The following DNAAF1 variants were observed in gnomAD, a reference collection of about 807,000 sequenced individuals.
DNAAF1 encodes the protein dynein axonemal assembly factor 1.
Under a neutral mutation model 71.1 loss-of-function variants are expected in DNAAF1, and 65 were observed. That is an observed-to-expected ratio of 0.91 (90% CI 0.75 to 1.12). The LOEUF (loss-of-function observed/expected upper bound fraction) is 1.12, where lower values mean the gene tolerates loss of function less well. Ranked by LOEUF, DNAAF1 falls within the 50% of genes most tolerant of loss-of-function variation. DNAAF1 has a pLI of 0.00. For synonymous variants in DNAAF1, 414 were observed against 354.6 expected, an observed-to-expected ratio of 1.17 and a Z score of -1.88; for missense variants, 1,178 against 899.8, an observed-to-expected ratio of 1.31 and a Z score of -3.96.
chr16:84,148,949 G>T, intron 1 of DNAAF1, 58 bp from the exon 2 acceptor site: 1 of 1,595,572 alleles, frequency 6.3e-7, no homozygotes, highest in Admixed American at 1.7e-5. Context: ...GCTGAAGTTG[G>T]GGGTATTTTT....
chr16:84,148,211 C>T (rs1004410708), intron 1 of DNAAF1, among the ~76,000 whole-genome samples: 2 of 152,140 alleles, frequency 1.3e-5, no homozygotes, highest in Non-Finnish European at 2.9e-5. Flanking sequence ...TACATGTATG[C>T]CCTGAAACAG....
At chr16:84,163,375 C>G (rs994124198) in intron 6 of DNAAF1, among the ~76,000 whole-genome samples, 2 of 139,466 alleles carry the variant, frequency 1.4e-5, no homozygotes, top group Non-Finnish European at 3.2e-5. Flanking sequence ...CTCTCTCTCT[C>G]TCTTTTTCTT....
Position 84,149,036 on chromosome 16 carries a change from G to C in DNAAF1, c.154G>C (p.Gly52Arg), listed in dbSNP as rs143490141. 6.2e-7 allele frequency: 1 copy of C among 1,613,950 alleles called. No individual in the cohort carries two copies. Among genetic ancestry groups the C allele is most frequent in the African/African-American group, 1.3e-5 (1 of 74,984 alleles). ...EINDPKEICV[G>R]SSDTSYHSQQ... Reference sequence around the variant, plus strand: ...TAATGATCCTAAGGAAATATGTGTGGGTTCTTCTGACACATCCTACCACAG... The same window carrying C: ...TAATGATCCTAAGGAAATATGTGTGCGTTCTTCTGACACATCCTACCACAG... The change falls in exon 2 of 12, where the codon GGT becomes CGT. Residue 52 changes from glycine (G) to arginine (R), a missense_variant. Coordinates refer to ENST00000378553, the MANE Select transcript of DNAAF1 (RefSeq NM_178452.6).
intron 5 of DNAAF1, 60 bp from the exon 6 acceptor site, chr16:84,159,615 T>C: frequency 6.4e-7 from 1 of 1,554,990 alleles, no homozygotes. Flanking sequence ...GCACAGCACA[T>C]ATAAAATAAT....
chr16:84,150,136 G>A lies in DNAAF1; in HGVS notation c.261-115G>A, dbSNP rs528744188. 335 of 748,272 alleles carry A rather than the reference G, an allele frequency of 4.5e-4. 1 individual carries two copies. The African/African-American group carries it at 5.3e-3, about 12-fold the overall frequency. The allele number at this position is 748,272 out of a possible 1,614,324, so 46.4% of individuals were successfully genotyped here. A position where few individuals can be genotyped will look rare whatever the true frequency, so the allele number is the denominator to read the frequency against. On this transcript the variant is annotated intron_variant, in intron 2 of 11. Coordinates refer to ENST00000378553, the MANE Select transcript of DNAAF1 (RefSeq NM_178452.6). The stretch of plus-strand genomic sequence containing the variant: ...AAGACGAACTTAAAATAGGTATCAG[G>A]GATATAGGATGTTATAGAATTTTGG...
At chr16:84,162,287 A>G (rs2087749979) in intron 6 of DNAAF1, 1 of 152,050 alleles carries the variant, frequency 6.6e-6, no homozygotes. Context: ...TAATTCACAT[A>G]CCATACAGTT....
In DNAAF1 at chr16:84,170,261, C is replaced by G; in HGVS notation, c.1433C>G (p.Pro478Arg). 6.2e-7 allele frequency: 1 copy of G among 1,609,758 alleles called. No individual in the cohort carries two copies. Among genetic ancestry groups the G allele is most frequent in the South Asian group, 1.1e-5 (1 of 90,794 alleles). Reference sequence around the variant, plus strand: ...GCTGAGACCCTGCTACTGTCACCGCCTGTGAAGGTTAAAGGAGAGGATGGA... The same window carrying G: ...GCTGAGACCCTGCTACTGTCACCGCGTGTGAAGGTTAAAGGAGAGGATGGA... ...LPAETLLLSP[P>R]VKVKGEDGDR... Residue 478 changes from proline to arginine, a missense_variant, in exon 8 of 12, where the codon CCT becomes CGT. Physicochemically the swap from Pro to Arg is moderately radical, Grantham distance 103. Coordinates refer to ENST00000378553, the MANE Select transcript of DNAAF1 (RefSeq NM_178452.6).
rs2088254503 is a variant in DNAAF1 at position 84,170,203 on chromosome 16, G to A, written c.1375G>A (p.Asp459Asn). Residue 459 changes from aspartate (D) to asparagine (N), a missense_variant, in exon 8 of 12, where the codon GAT becomes AAT. Transcript: ENST00000378553. ...PPPPVEVKGEDGDQEPEGTLP... is the reference protein window; with the variant it reads ...PPPPVEVKGENGDQEPEGTLP... ...GCCACCTGTGGAGGTTAAAGGAGAGGATGGAGATCAAGAGCCAGAGGGGAC... is the reference window on the plus strand; with the variant it reads ...GCCACCTGTGGAGGTTAAAGGAGAGAATGGAGATCAAGAGCCAGAGGGGAC... 5.0e-6 allele frequency: 8 copies of A among 1,611,336 alleles called. No individual in the cohort carries two copies. The highest frequency in any genetic ancestry group is 1.3e-5 in the African/African-American group (1 of 74,480).
intron 6 of DNAAF1, among the ~76,000 whole-genome samples, chr16:84,160,706 G>A (rs886841110): frequency 1.3e-5 from 2 of 152,018 alleles, no homozygotes; most frequent in Non-Finnish European, 2.9e-5. Context: ...AGGCCAAGGC[G>A]GGCGGATCAC....
At chr16:84,154,846 C>T in intron 4 of DNAAF1, 48 bp downstream of exon 4, 1 of 1,431,400 alleles carries the variant, frequency 7.0e-7, no homozygotes, top group Non-Finnish European at 9.9e-7. Context: ...ATGTCCATCA[C>T]CTTCCCCTGA....
At chr16:84,155,240 T>C (rs1257666915) in intron 4 of DNAAF1, among the ~76,000 whole-genome samples, 1 of 152,040 alleles carries the variant, frequency 6.6e-6, no homozygotes, top group Non-Finnish European at 1.5e-5. Flanking sequence ...TTGCTTTGCT[T>C]CTTTTTGAGA....
intron 2 of DNAAF1, among the ~76,000 whole-genome samples, chr16:84,149,640 G>A (rs1271353326): frequency 7.0e-6 from 1 of 143,496 alleles, no homozygotes; most frequent in African/African-American, 2.6e-5. Flanking sequence ...GCAGTGAGCC[G>A]AGATCATACC....
At chr16:84,170,743 G>C (rs189128788) in intron 8 of DNAAF1, among the ~76,000 whole-genome samples, 2 of 152,078 alleles carry the variant, frequency 1.3e-5, no homozygotes, top group Non-Finnish European at 2.9e-5. Context: ...GAGGCAAGAG[G>C]ATTGCTTGAG....
chr16:84,160,502 A>G (rs2087648069), intron 6 of DNAAF1, among the ~76,000 whole-genome samples: 1 of 152,258 alleles, frequency 6.6e-6, no homozygotes, highest in South Asian at 2.1e-4. Context: ...TCAGTCATAT[A>G]GGCTACTTGA....
rs1385574276 is a variant in DNAAF1 at position 84,170,143 on chromosome 16, G to C, written c.1315G>C (p.Glu439Gln). The change falls in exon 8 of 12, where the codon GAG becomes CAG. Residue 439 changes from glutamate to glutamine, a missense_variant. Glu to Gln is a conservative substitution (Grantham distance 29). Coordinates refer to ENST00000378553, the MANE Select transcript of DNAAF1 (RefSeq NM_178452.6). ...AGGAGAGGACGGAGATGGAGAGCCA[G>C]AGGGGACCCTCCCAGCTGAGGCCCC... Reference protein sequence around the residue: ...VKGEDGDGEPEGTLPAEAPPP... With the variant: ...VKGEDGDGEPQGTLPAEAPPP... 5 of 1,586,186 alleles carry C rather than the reference G, an allele frequency of 3.2e-6. No individual in the cohort carries two copies. Among genetic ancestry groups the C allele is most frequent in the Middle Eastern group, 1.7e-4 (1 of 5,842 alleles).
chr16:84,157,960 C>A (rs1234262547), intron 5 of DNAAF1, among the ~76,000 whole-genome samples: 2 of 152,270 alleles, frequency 1.3e-5, no homozygotes, highest in East Asian at 1.9e-4. Context: ...GTAATCCCAG[C>A]GCTCTGGGAG....
Position 84,145,362 on chromosome 16 carries a change from T to G in DNAAF1, c.-79T>G, listed in dbSNP as rs2086849390. 6.5e-7 allele frequency: 1 copy of G among 1,543,758 alleles called. No homozygotes were observed. Among genetic ancestry groups the G allele is most frequent in the African/African-American group, 1.4e-5 (1 of 73,040 alleles). ...AGAAGGAAAGAGGGTACTCTCTGGC[T>G]GGGCTGGGGCCGTAGCGACGTCCGC... On this transcript the variant is annotated 5_prime_UTR_variant, in exon 1 of 12. Transcript: ENST00000378553.
intron 7 of DNAAF1, among the ~76,000 whole-genome samples, 160 bp from the exon 8 acceptor site, chr16:84,169,699 G>C (rs1330315350): frequency 6.6e-6 from 1 of 152,174 alleles, no homozygotes; most frequent in Non-Finnish European, 1.5e-5. Flanking sequence ...GGGATTACAG[G>C]CACGAGCCAC....
chr16:84,160,807 C>T (rs967911772), intron 6 of DNAAF1, among the ~76,000 whole-genome samples: 59 of 149,582 alleles, frequency 3.9e-4, no homozygotes, highest in Middle Eastern at 3.4e-3. Flanking sequence ...TGGTGGTGGG[C>T]GCCTGTAGTC....
Sources: allele counts gnomAD v4.1 joint callset (sites outside exome capture counted in the v4.1 genomes callset), GRCh38; gene constraint gnomAD v4.1.1; transcripts MANE v1.5; gene names NCBI Gene and HGNC (gene_info 2026-07-23, HGNC 2026-07-21).